Variants in FAM135B observed in about 807,000 individuals in gnomAD.
FAM135B encodes the protein family with sequence similarity 135 member B.
In FAM135B, 43 loss-of-function variants were observed where a neutral mutation model predicts 127.7. The observed-to-expected ratio is 0.34, with a 90% CI of 0.26 to 0.43. The LOEUF is 0.43. Among genes scored for constraint, FAM135B ranks in the 20% least tolerant of loss-of-function variants. The probability of loss-of-function intolerance (pLI) is 1.00; values close to 1 mark genes in which losing one functional copy is unlikely to be tolerated. For missense variants in FAM135B, 1,558 were observed against 1,725.6 expected (o/e 0.90, Z 1.72); for synonymous variants, 670 against 665.1 (o/e 1.01, Z -0.11).
At chr8:138,221,241 GGAA>G (rs1321957813) in intron 7 of FAM135B, among the ~76,000 whole-genome samples, 2 of 152,180 alleles carry the variant, frequency 1.3e-5, no homozygotes, top group African/African-American at 4.8e-5. Flanking sequence ...GTACAATCAT[GGAA>G]GAAGGAGAAG....
At chr8:138,136,889 G>A (rs1417688116) in intron 19 of FAM135B, among the ~76,000 whole-genome samples, 1 of 152,178 alleles carries the variant, frequency 6.6e-6, no homozygotes, top group Non-Finnish European at 1.5e-5. Flanking sequence ...ATACATCCCA[G>A]TCATCAATTT....
At chr8:138,465,995 C>T (rs762678256) in intron 1 of FAM135B, among the ~76,000 whole-genome samples, 2 of 152,152 alleles carry the variant, frequency 1.3e-5, no homozygotes, top group Non-Finnish European at 2.9e-5. Flanking sequence ...AGGCTGGTCT[C>T]GAACTCCTGA....
chr8:138,192,778 G>T (rs1204927917), intron 9 of FAM135B, among the ~76,000 whole-genome samples: 2 of 152,072 alleles, frequency 1.3e-5, no homozygotes, highest in Non-Finnish European at 2.9e-5. Context: ...TAAAACTCAG[G>T]GCTTCTGTAC....
intron 1 of FAM135B, among the ~76,000 whole-genome samples, chr8:138,370,901 G>C (rs1029594007): frequency 6.6e-6 from 1 of 152,150 alleles, no homozygotes; most frequent in Admixed American, 6.5e-5. Context: ...TCAGAGCAGT[G>C]GTTTTCAGGT....
chr8:138,141,386 G>A lies in FAM135B; in HGVS notation c.3639-37C>T, dbSNP rs751126871. 55 of 1,609,002 alleles carry A rather than the reference G, an allele frequency of 3.4e-5. No individual in the cohort carries two copies. Among genetic ancestry groups the A allele is most frequent in the Non-Finnish European group, 4.4e-5 (52 of 1,176,290 alleles). ...CAGAAGGGGTACCCATGAGTGTGAC[G>A]GTGAATGCTGCTGCCCAAGAGTGCA... is the stretch of plus-strand genomic sequence containing the variant. On this transcript the variant is annotated intron_variant, in intron 16 of 19. Coordinates refer to ENST00000395297, the MANE Select transcript of FAM135B (RefSeq NM_015912.4). The surrounding 1 kb of genome is among the most constrained non-coding windows in gnomAD (Gnocchi z 4.7).
At chr8:138,252,748 C>T (rs1432546632) in intron 5 of FAM135B, among the ~76,000 whole-genome samples, 2 of 152,092 alleles carry the variant, frequency 1.3e-5, no homozygotes, top group Non-Finnish European at 2.9e-5. Context: ...AAAACACACA[C>T]AGAAAGAGCC....
At chr8:138,369,606 G>T (rs966682375) in intron 1 of FAM135B, among the ~76,000 whole-genome samples, 1 of 152,104 alleles carries the variant, frequency 6.6e-6, no homozygotes, top group Non-Finnish European at 1.5e-5. Flanking sequence ...CACAAAATGT[G>T]CCAAAAACCC....
chr8:138,301,390 C>G (rs999590376), intron 3 of FAM135B, among the ~76,000 whole-genome samples: 16 of 152,114 alleles, frequency 1.1e-4, no homozygotes, highest in Middle Eastern at 3.2e-3. Context: ...CTTTAAGTAA[C>G]GCTTTAATGA....
At chr8:138,439,566 C>A (rs1835648736) in intron 1 of FAM135B, 1 of 152,050 alleles carries the variant, frequency 6.6e-6, no homozygotes, top group African/African-American at 2.4e-5. Context: ...CTGGAGTAGT[C>A]AAGGGATACT....
At chr8:138,199,567 T>A (rs1176731776) in intron 7 of FAM135B, among the ~76,000 whole-genome samples, 2 of 152,134 alleles carry the variant, frequency 1.3e-5, no homozygotes, top group Non-Finnish European at 2.9e-5. Context: ...TTGGTGTGGG[T>A]TACCCTATGT....
intron 1 of FAM135B, among the ~76,000 whole-genome samples, chr8:138,487,711 T>C (rs1815037267): frequency 6.6e-6 from 1 of 152,088 alleles, no homozygotes; most frequent in Admixed American, 6.6e-5. Flanking sequence ...AACACACTTG[T>C]CACTTGTCAG....
At chr8:138,341,117 T>C (rs1829018875) in intron 2 of FAM135B, among the ~76,000 whole-genome samples, 1 of 152,208 alleles carries the variant, frequency 6.6e-6, no homozygotes, top group African/African-American at 2.4e-5. Flanking sequence ...CATACTCATG[T>C]TCACTGCAGC....
intron 1 of FAM135B, among the ~76,000 whole-genome samples, chr8:138,399,464 G>A (rs1204443207): frequency 6.6e-6 from 1 of 152,054 alleles, no homozygotes; most frequent in African/African-American, 2.4e-5. Flanking sequence ...TAAACCCCAG[G>A]GCAGAAGCGA....
chr8:138,458,424 CCA>C (rs1190233724), intron 1 of FAM135B, among the ~76,000 whole-genome samples: 1 of 152,154 alleles, frequency 6.6e-6, no homozygotes, highest in African/African-American at 2.4e-5. Flanking sequence ...CTTGGATACT[CCA>C]GGTGAGAGGG....
At chr8:138,137,379 C>T in intron 18 of FAM135B, 119 bp from the exon 19 acceptor site, 1 of 681,962 alleles carries the variant, frequency 1.5e-6, no homozygotes, top group East Asian at 2.5e-5. Flanking sequence ...TGACACACCA[C>T]ACACTAGTGT....
At chr8:138,398,117 G>C (rs1407022540) in intron 1 of FAM135B, among the ~76,000 whole-genome samples, 1 of 152,184 alleles carries the variant, frequency 6.6e-6, no homozygotes, top group Non-Finnish European at 1.5e-5. Context: ...TCTGTTCAAA[G>C]ACTGTGTGAC....
chr8:138,276,857 C>T (rs974939902), intron 3 of FAM135B, among the ~76,000 whole-genome samples: 25 of 152,326 alleles, frequency 1.6e-4, no homozygotes, highest in African/African-American at 5.5e-4. Context: ...TGCAGGTCAC[C>T]GGCTGCCCTG....
rs142309971 is a variant in FAM135B at position 138,396,369 on chromosome 8, T to C, written c.-19-28367A>G. Among the ~76,000 whole-genome samples the C allele has an allele frequency of 2.1e-3, 320 of 152,262 alleles. 1 individual carries two copies. The highest frequency in any genetic ancestry group is 7.4e-3 in the African/African-American group (308 of 41,542). ...ACTGACAGCCACTTCCCAGCTTTGTTGTAAAGCCCATATAAAGCTCCGTCA... is the reference window on the plus strand; with the variant it reads ...ACTGACAGCCACTTCCCAGCTTTGTCGTAAAGCCCATATAAAGCTCCGTCA... On this transcript the variant is annotated intron_variant, in intron 1 of 19. Transcript: ENST00000395297.
At chr8:138,198,823 A>AG (rs1816870403) in intron 7 of FAM135B, among the ~76,000 whole-genome samples, 4 of 151,334 alleles carry the variant, frequency 2.6e-5, no homozygotes, top group Admixed American at 2.0e-4. Flanking sequence ...GTGAATTTCA[A>AG]AGAGATTTGT....
Sources: gnomAD v4.1 joint callset for allele counts (sites outside exome capture counted in the v4.1 genomes callset) on GRCh38, gnomAD v4.1.1 for gene constraint, Gnocchi (gnomAD v3.1) non-coding constraint, MANE v1.5 for transcripts, NCBI Gene and HGNC (gene_info 2026-07-23, HGNC 2026-07-21) for gene names.